ADAMTSL1: variants seen among roughly 807,000 people sequenced by gnomAD.
ADAMTSL1 encodes ADAMTS-like protein 1.
ADAMTSL1 carries 126 observed loss-of-function variants against 201.8 expected under a neutral mutation model. That is an observed-to-expected ratio of 0.62 (90% CI 0.54 to 0.72). The LOEUF (loss-of-function observed/expected upper bound fraction) is 0.72. Among genes scored for constraint, ADAMTSL1 ranks in the 30% least tolerant of loss-of-function variants. ADAMTSL1 has a pLI of 0.00. For synonymous variants in ADAMTSL1, 1,121 were observed against 903.4 expected, an observed-to-expected ratio of 1.24 and a Z score of -4.32; for missense variants, 2,679 against 2,277.8, an observed-to-expected ratio of 1.18 and a Z score of -3.59.
chr9:17,963,429 A>G (rs1817839663), intron 1 of ADAMTSL1, among the ~76,000 whole-genome samples: 1 of 152,196 alleles, frequency 6.6e-6, no homozygotes, highest in Non-Finnish European at 1.5e-5. Context: ...TATTAGAGAA[A>G]GAGCTATTTA....
At chr9:18,906,637 C>A in intron 27 of ADAMTSL1, 55 bp from the exon 28 acceptor site, 1 of 1,406,070 alleles carries the variant, frequency 7.1e-7, no homozygotes, top group Non-Finnish European at 9.5e-7. Flanking sequence ...TTCACATCTG[C>A]CCTGATTCAG....
chr9:18,397,697 G>A (rs1212137229), intron 2 of ADAMTSL1, among the ~76,000 whole-genome samples: 1 of 152,158 alleles, frequency 6.6e-6, no homozygotes, highest in Admixed American at 6.5e-5. Context: ...CAATTTCAGA[G>A]ATGATGAAAT....
At chr9:18,113,139 C>T (rs184217349) in intron 1 of ADAMTSL1, among the ~76,000 whole-genome samples, 11 of 152,046 alleles carry the variant, frequency 7.2e-5, no homozygotes, top group East Asian at 1.9e-4. Flanking sequence ...CATTTAGATA[C>T]GATGGGATTG....
At chr9:18,715,568 T>A (rs1029182926) in intron 14 of ADAMTSL1, among the ~76,000 whole-genome samples, 1 of 151,992 alleles carries the variant, frequency 6.6e-6, no homozygotes, top group African/African-American at 2.4e-5. Flanking sequence ...TACAAACCAC[T>A]ACTCAAGGAA....
intron 2 of ADAMTSL1, among the ~76,000 whole-genome samples, chr9:18,330,474 C>T (rs1834987526): frequency 6.6e-6 from 1 of 151,954 alleles, no homozygotes; most frequent in Non-Finnish European, 1.5e-5. Context: ...ACTAAAATCT[C>T]TCATCCTATT....
chr9:18,400,272 A>G (rs1254168276), intron 2 of ADAMTSL1, among the ~76,000 whole-genome samples: 1 of 152,118 alleles, frequency 6.6e-6, no homozygotes, highest in Non-Finnish European at 1.5e-5. Context: ...TGATCACCCT[A>G]TCATATTTCA....
intron 2 of ADAMTSL1, among the ~76,000 whole-genome samples, chr9:18,167,423 A>T (rs1317856669): frequency 6.6e-6 from 1 of 151,896 alleles, no homozygotes; most frequent in East Asian, 1.9e-4. Flanking sequence ...TGTGAAATGG[A>T]GGTGAGCTTT....
At chr9:18,648,691 T>C (rs546005972) in intron 7 of ADAMTSL1, among the ~76,000 whole-genome samples, 82 of 152,084 alleles carry the variant, frequency 5.4e-4, no homozygotes, top group African/African-American at 1.9e-3. Context: ...AAAATTCTTT[T>C]CTTTAAGAAT....
At chr9:18,422,686 C>T (rs1446594866) in intron 2 of ADAMTSL1, among the ~76,000 whole-genome samples, 1 of 152,182 alleles carries the variant, frequency 6.6e-6, no homozygotes, top group African/African-American at 2.4e-5. Context: ...CCCACTGACA[C>T]ATCTGGGAAG....
chr9:18,019,522 G>C (rs1158536428), intron 1 of ADAMTSL1, among the ~76,000 whole-genome samples: 1 of 152,046 alleles, frequency 6.6e-6, no homozygotes, highest in Admixed American at 6.6e-5. Flanking sequence ...AAGATTGAAG[G>C]TATACCTCAC....
chr9:18,674,631 GTATT>G (rs1373038670), intron 9 of ADAMTSL1, among the ~76,000 whole-genome samples: 1 of 151,816 alleles, frequency 6.6e-6, no homozygotes, highest in Non-Finnish European at 1.5e-5. Flanking sequence ...AAAAATGGAA[GTATT>G]TATTTATTAA....
At position 18,747,628 on chromosome 9, in the gene ADAMTSL1, G is replaced by A. The variant is rs1819224629; in HGVS notation, c.2007-5670G>A. Among the ~76,000 whole-genome samples, 3 of 152,122 alleles carry A rather than the reference G, an allele frequency of 2.0e-5. No homozygotes were observed. In the South Asian group the frequency reaches 6.2e-4, roughly 32 times the overall value. On this transcript the variant is annotated intron_variant, in intron 15 of 28. Coordinates refer to ENST00000380548, the MANE Select transcript of ADAMTSL1 (RefSeq NM_001040272.6). ...TCAGGAAGCTGTGGACAGGAATAAT[G>A]CATTTAAAGCAACTAGCACAGAATC...
intron 1 of ADAMTSL1, among the ~76,000 whole-genome samples, chr9:17,919,012 A>G (rs1826204026): frequency 6.6e-6 from 1 of 151,744 alleles, no homozygotes; most frequent in Non-Finnish European, 1.5e-5. Context: ...CTGATTTGAG[A>G]TTTTTTTAAT....
At chr9:18,444,931 T>C (rs1247963018) in intron 2 of ADAMTSL1, among the ~76,000 whole-genome samples, 1 of 152,162 alleles carries the variant, frequency 6.6e-6, no homozygotes, top group Non-Finnish European at 1.5e-5. Flanking sequence ...TTAGCATGCC[T>C]TCTTAGGCAC....
chr9:18,503,421 G>GTATATATATATATATATATATATATATA (rs10673652), intron 1 of ADAMTSL1, among the ~76,000 whole-genome samples: 20 of 115,248 alleles, frequency 1.7e-4, no homozygotes, highest in African/African-American at 2.8e-4. Flanking sequence ...ATTCCATTGT[G>GTATATATATATATATATATATATATATA]TATATATATA....
rs533971456 is a variant in ADAMTSL1 at position 18,703,118 on chromosome 9, G to C, written c.1575-3629G>C. On this transcript the variant is annotated intron_variant, in intron 13 of 28. Coordinates refer to ENST00000380548, the MANE Select transcript of ADAMTSL1 (RefSeq NM_001040272.6). ...TTTTATTGTCCATTTTTACATGAAAGTGATTAATGTACTGATTTAAAAACA... is the reference window on the plus strand; with the variant it reads ...TTTTATTGTCCATTTTTACATGAAACTGATTAATGTACTGATTTAAAAACA... 3.9e-4 allele frequency among the ~76,000 whole-genome samples: 60 copies of C among 152,150 alleles called. No homozygotes were observed. In the South Asian group the frequency reaches 0.012, roughly 31 times the overall value.
At chr9:18,495,088 G>A (rs1271214425) in intron 1 of ADAMTSL1, among the ~76,000 whole-genome samples, 1 of 152,144 alleles carries the variant, frequency 6.6e-6, no homozygotes, top group African/African-American at 2.4e-5. Flanking sequence ...AAGAGAGAGG[G>A]ATTTCAGAAA....
At chr9:18,056,168 TC>T (rs956169670) in intron 1 of ADAMTSL1, among the ~76,000 whole-genome samples, 8 of 151,728 alleles carry the variant, frequency 5.3e-5, no homozygotes, top group Non-Finnish European at 8.8e-5. Context: ...TTTTTTTTTT[TC>T]CTCTGCCCTT....
intron 2 of ADAMTSL1, among the ~76,000 whole-genome samples, chr9:18,191,460 C>G (rs1185144471): frequency 1.3e-5 from 2 of 152,136 alleles, no homozygotes; most frequent in African/African-American, 4.8e-5. Flanking sequence ...CTTCTTCAAT[C>G]CATGGAGGCA....
Sources: gnomAD v4.1 joint callset for allele counts (sites outside exome capture counted in the v4.1 genomes callset) on GRCh38, gnomAD v4.1.1 for gene constraint, MANE v1.5 for transcripts, NCBI Gene and HGNC (gene_info 2026-07-23, HGNC 2026-07-21) for gene names.